The following PACS1 variants were observed in gnomAD, a reference collection of about 807,000 sequenced individuals.
PACS1 encodes phosphofurin acidic cluster sorting protein 1.
In PACS1, 24 loss-of-function variants were observed where a neutral mutation model predicts 115.0. The observed-to-expected ratio is 0.21, with a 90% CI of 0.15 to 0.29. The LOEUF is 0.29. Ranked by LOEUF, PACS1 falls within the 10% of genes least tolerant of loss-of-function variation. The pLI is 1.00. For missense variants in PACS1, 838 were observed against 1,251.2 expected (o/e 0.67, Z 4.98); for synonymous variants, 453 against 504.5 (o/e 0.90, Z 1.37).
At position 66,213,648 on chromosome 11, in the gene PACS1, G is replaced by C. The variant is rs945981509; in HGVS notation, c.660+2389G>C. Among the ~76,000 whole-genome samples, 5 of 152,334 alleles carry C rather than the reference G, an allele frequency of 3.3e-5. No homozygotes were observed. The South Asian group carries it at 1.0e-3, about 32-fold the overall frequency. Reference sequence around the variant, plus strand: ...GGTCTAGGTCCAGATCTATCTAACCGTGAGCACACATCGATAATTTCAGTT... The same window carrying C: ...GGTCTAGGTCCAGATCTATCTAACCCTGAGCACACATCGATAATTTCAGTT... On this transcript the variant is annotated intron_variant, in intron 4 of 23. Transcript: ENST00000320580.
At chr11:66,215,505 C>T (rs1005270646) in intron 4 of PACS1, among the ~76,000 whole-genome samples, 1 of 151,876 alleles carries the variant, frequency 6.6e-6, no homozygotes, top group Non-Finnish European at 1.5e-5. Context: ...GAGGCTGAGG[C>T]GGGAGGATCA....
At chr11:66,238,706 G>C (rs780690212) in intron 19 of PACS1, 98 bp from the exon 20 acceptor site, 60 of 1,099,298 alleles carry the variant, frequency 5.5e-5, no homozygotes, top group Non-Finnish European at 6.8e-5. Context: ...AAAATAATGT[G>C]TAGTGATGGC....
At chr11:66,125,052 C>T (rs1159649560) in intron 1 of PACS1, among the ~76,000 whole-genome samples, 1 of 152,202 alleles carries the variant, frequency 6.6e-6, no homozygotes, top group African/African-American at 2.4e-5. Context: ...ATTTGGGTGG[C>T]TTCCACCTTT....
chr11:66,077,703 GT>G (rs34935652), intron 1 of PACS1, among the ~76,000 whole-genome samples: 101 of 131,258 alleles, frequency 7.7e-4, no homozygotes, highest in Middle Eastern at 4.0e-3. Context: ...TTGTAAGTTT[GT>G]TTTTTTTTTT....
rs77113770 is a variant in PACS1, at chr11:66,157,858, A to C, written c.357-35628A>C. The stretch of plus-strand genomic sequence containing the variant: ...TGACTAGCCTATGGGAAAAAAAAAA[A>C]ACCTAACATGGTATTTAGAATTTCC... On this transcript the variant is annotated intron_variant, in intron 1 of 23. Transcript: ENST00000320580. 2.4e-4 allele frequency among the ~76,000 whole-genome samples: 36 copies of C among 151,848 alleles called. No homozygotes were observed. In the East Asian group the frequency reaches 6.9e-3, roughly 29 times the overall value.
intron 1 of PACS1, among the ~76,000 whole-genome samples, chr11:66,137,209 C>G (rs1858866338): frequency 6.6e-6 from 1 of 150,908 alleles, no homozygotes; most frequent in Admixed American, 6.6e-5. Flanking sequence ...TAAAAAATAC[C>G]CATATTTTCT....
chr11:66,100,758 T>G (rs1219456402), intron 1 of PACS1: 4 of 455,946 alleles, frequency 8.8e-6, no homozygotes, highest in Non-Finnish European at 1.8e-5. Context: ...TCTTGTGCAG[T>G]CTCCCTCACC....
intron 1 of PACS1, among the ~76,000 whole-genome samples, chr11:66,138,686 C>CTT (rs34344453): frequency 2.1e-4 from 30 of 144,134 alleles, no homozygotes; most frequent in Middle Eastern, 3.6e-3. Context: ...GCTGTCTGCA[C>CTT]TTTTTTTTTT....
chr11:66,239,325 A>C (rs1590843187), intron 21 of PACS1, 48 bp downstream of exon 21: 1 of 1,570,806 alleles, frequency 6.4e-7, no homozygotes. Context: ...CATCAGGCCC[A>C]CCCGGCTGAT....
chr11:66,202,646 T>C (rs1029840983), intron 2 of PACS1, among the ~76,000 whole-genome samples: 6 of 148,586 alleles, frequency 4.0e-5, no homozygotes, highest in Admixed American at 6.8e-5. Context: ...CCCAGCACTT[T>C]GGGAGGCCAA....
intron 1 of PACS1, among the ~76,000 whole-genome samples, chr11:66,116,795 T>C (rs914879725): frequency 3.3e-5 from 5 of 151,422 alleles, no homozygotes; most frequent in African/African-American, 9.7e-5. Context: ...AAGACTGGGG[T>C]GAGAGGATCA....
chr11:66,134,336 G>T (rs1223062342), intron 1 of PACS1, among the ~76,000 whole-genome samples: 1 of 125,838 alleles, frequency 7.9e-6, no homozygotes, highest in African/African-American at 3.0e-5. Flanking sequence ...ATCTCGCTCG[G>T]CTCACTGCAA....
intron 1 of PACS1, among the ~76,000 whole-genome samples, chr11:66,148,203 A>G (rs543918182): frequency 4.6e-5 from 7 of 152,284 alleles, no homozygotes; most frequent in Admixed American, 3.3e-4. Flanking sequence ...TGCCCAGGCT[A>G]GAGTGCAGTG....
chr11:66,221,300 C>T lies in PACS1; in HGVS notation c.1293+53C>T, dbSNP rs1043270053. On this transcript the variant is annotated intron_variant, in intron 10 of 23. Coordinates refer to ENST00000320580, the MANE Select transcript of PACS1 (RefSeq NM_018026.4). Reference sequence around the variant, plus strand: ...GGTGGGACCGTGGCATGTCAGGGCTCGACGCTCTGGCCCTCTGCATCTCTG... The same window carrying T: ...GGTGGGACCGTGGCATGTCAGGGCTTGACGCTCTGGCCCTCTGCATCTCTG... The T allele has an allele frequency of 6.9e-6, 10 of 1,451,414 alleles. No individual in the cohort carries two copies. The East Asian group carries it at 1.6e-4, about 23-fold the overall frequency. The allele number at this position is 1,451,414 out of a possible 1,614,324, so 89.9% of individuals were successfully genotyped here.
intron 1 of PACS1, among the ~76,000 whole-genome samples, chr11:66,173,094 T>G (rs1345321464): frequency 2.0e-5 from 3 of 151,592 alleles, no homozygotes; most frequent in Non-Finnish European, 2.9e-5. Flanking sequence ...GATTTTGGTT[T>G]TTTTTTTTTG....
At chr11:66,085,976 A>G (rs534542422) in intron 1 of PACS1, among the ~76,000 whole-genome samples, 49 of 152,316 alleles carry the variant, frequency 3.2e-4, no homozygotes, top group African/African-American at 1.0e-3. Context: ...TCACTCAGAT[A>G]TGTAGCAATG....
intron 13 of PACS1, chr11:66,231,961 A>G: frequency 2.0e-6 from 1 of 511,210 alleles, no homozygotes; most frequent in Non-Finnish European, 3.5e-6. Context: ...CCTCATCTCC[A>G]TGTGTCCTCT....
chr11:66,160,688 G>T (rs1347208553), intron 1 of PACS1, among the ~76,000 whole-genome samples: 3 of 127,488 alleles, frequency 2.4e-5, no homozygotes. Context: ...TTTTTTTTTG[G>T]CAGGGGAGTG....
At chr11:66,109,457 G>A (rs1257316658) in intron 1 of PACS1, among the ~76,000 whole-genome samples, 1 of 152,178 alleles carries the variant, frequency 6.6e-6, no homozygotes, top group African/African-American at 2.4e-5. Flanking sequence ...GTGAAGAAGT[G>A]TGTGCATAGT....
Sources: allele counts gnomAD v4.1 joint callset (sites outside exome capture counted in the v4.1 genomes callset), GRCh38; gene constraint gnomAD v4.1.1; transcripts MANE v1.5; gene names NCBI Gene and HGNC (gene_info 2026-07-23, HGNC 2026-07-21).